The following TENM1 variants were observed in gnomAD, a reference collection of about 807,000 sequenced individuals.
The protein encoded by TENM1 is teneurin transmembrane protein 1.
Under a neutral mutation model 174.8 loss-of-function variants are expected in TENM1, and 35 were observed. That is an observed-to-expected ratio of 0.20 (90% CI 0.15 to 0.27). The LOEUF is 0.27. Among genes scored for constraint, TENM1 ranks in the 10% least tolerant of loss-of-function variants. The probability of loss-of-function intolerance (pLI) is 1.00; values close to 1 mark genes in which losing one functional copy is unlikely to be tolerated. For missense variants in TENM1, 1,633 were observed against 2,130.1 expected (o/e 0.77, Z 4.59); for synonymous variants, 781 against 798.7 (o/e 0.98, Z 0.37).
At chrX:124,449,716 C>T in intron 23 of TENM1, among the ~76,000 whole-genome samples, 1 of 111,720 alleles carries the variant, frequency 9.0e-6, no homozygotes, top group East Asian at 2.8e-4. Flanking sequence ...GACTTGATAG[C>T]CTGACCCATT....
At chrX:124,787,912 CT>C (rs772237334) in intron 3 of TENM1, among the ~76,000 whole-genome samples, 1 of 111,812 alleles carries the variant, frequency 8.9e-6, no homozygotes, top group Non-Finnish European at 1.9e-5. Context: ...AAGAAAGCGG[CT>C]TATTGGACTT....
chrX:125,160,380 T>A, the TENM1 span, among the ~76,000 whole-genome samples: 1 of 100,297 alleles, frequency 1.0e-5, no homozygotes, highest in Non-Finnish European at 2.0e-5. Flanking sequence ...AAAAAAAAAT[T>A]AGCTGGGCGT....
chrX:124,640,961 CAAA>C (rs59598996), intron 11 of TENM1, among the ~76,000 whole-genome samples: 1 of 57,772 alleles, frequency 1.7e-5, no homozygotes, highest in Non-Finnish European at 2.9e-5. Context: ...AATCCATCTC[CAAA>C]AAAAAAAAAA....
chrX:124,900,835 A>G (rs1326806605), intron 1 of TENM1, among the ~76,000 whole-genome samples: 1 of 96,478 alleles, frequency 1.0e-5, no homozygotes, highest in African/African-American at 4.0e-5. Flanking sequence ...CTTGTTGTTC[A>G]GGCTGGAGCA....
chrX:124,936,719 C>T (rs7888766), intron 1 of TENM1, among the ~76,000 whole-genome samples: 15,061 of 111,278 alleles, frequency 0.14, 2,432 homozygotes, highest in African/African-American at 0.47. Flanking sequence ...TCTTGATGAA[C>T]AGATATTCAG....
At chrX:124,645,397 C>A in intron 9 of TENM1, 60 bp from the exon 13 acceptor site, 1 of 1,081,966 alleles carries the variant, frequency 9.2e-7, no homozygotes, top group Non-Finnish European at 1.2e-6. Flanking sequence ...CTCCAAAGAG[C>A]AATTCTCTAT....
At chrX:125,005,321 A>G in the TENM1 span, among the ~76,000 whole-genome samples, 1 of 107,798 alleles carries the variant, frequency 9.3e-6, no homozygotes, top group Admixed American at 1.0e-4. Context: ...CTAATAAACT[A>G]TTATGCATTG....
chrX:124,693,169 T>C (rs1434487991), intron 5 of TENM1, among the ~76,000 whole-genome samples: 1 of 110,752 alleles, frequency 9.0e-6, no homozygotes, highest in African/African-American at 3.3e-5. Context: ...TAAATAATAA[T>C]TGAAGTTTAA....
chrX:124,494,324 G>A (rs1438841584), intron 20 of TENM1, among the ~76,000 whole-genome samples: 2 of 110,791 alleles, frequency 1.8e-5, no homozygotes, highest in African/African-American at 6.6e-5. Context: ...ATAGTTCATA[G>A]GATAGCATCT....
At chrX:124,972,078 C>A in the TENM1 span, among the ~76,000 whole-genome samples, 1 of 109,329 alleles carries the variant, frequency 9.1e-6, no homozygotes, top group African/African-American at 3.3e-5. Context: ...ACTAAAAATA[C>A]ACAAAGTAGC....
chrX:125,055,817 A>C, the TENM1 span, among the ~76,000 whole-genome samples: 4 of 111,758 alleles, frequency 3.6e-5, no homozygotes, highest in Non-Finnish European at 5.6e-5. Flanking sequence ...TGTATCTTAT[A>C]AGAAAAAAAT....
chrX:125,076,203 C>T, the TENM1 span, among the ~76,000 whole-genome samples: 1 of 111,692 alleles, frequency 9.0e-6, no homozygotes, highest in Non-Finnish European at 1.9e-5. Flanking sequence ...ACATCATACC[C>T]TAACAGATCT....
chrX:124,751,994 T>C (rs1332150160), intron 3 of TENM1, among the ~76,000 whole-genome samples: 1 of 110,816 alleles, frequency 9.0e-6, no homozygotes, highest in Non-Finnish European at 1.9e-5. Context: ...TATAGTCCTT[T>C]GGGTATATAC....
the TENM1 span, among the ~76,000 whole-genome samples, chrX:125,042,033 T>C: frequency 1.8e-5 from 2 of 111,943 alleles, no homozygotes; most frequent in Non-Finnish European, 3.8e-5. Flanking sequence ...ATAGTATTCA[T>C]TGTACTTTTC....
chrX:124,542,153 G>C (rs1029931986), intron 15 of TENM1, among the ~76,000 whole-genome samples: 16 of 112,539 alleles, frequency 1.4e-4, no homozygotes, highest in African/African-American at 4.8e-4. Context: ...AGCCATGCTA[G>C]CCATGCCTTA....
chrX:125,065,749 C>T, the TENM1 span, among the ~76,000 whole-genome samples: 1 of 112,123 alleles, frequency 8.9e-6, no homozygotes, highest in Non-Finnish European at 1.9e-5. Flanking sequence ...ATCTCTACTA[C>T]ACAAGTACAT....
chrX:125,184,978 G>T, the TENM1 span, among the ~76,000 whole-genome samples: 1 of 111,459 alleles, frequency 9.0e-6, no homozygotes, highest in African/African-American at 3.3e-5. Context: ...AGCTCCATTT[G>T]AATTATACCT....
the TENM1 span, among the ~76,000 whole-genome samples, chrX:125,079,811 G>C: frequency 3.6e-5 from 4 of 111,628 alleles, no homozygotes; most frequent in African/African-American, 1.3e-4. Flanking sequence ...GTAGTAGACA[G>C]CTGTGCACTC....
chrX:125,080,067 A>G, the TENM1 span, among the ~76,000 whole-genome samples: 2 of 110,739 alleles, frequency 1.8e-5, no homozygotes, highest in African/African-American at 6.6e-5. Flanking sequence ...TCCTAGCTCC[A>G]TGTTACTCAA....
Sources: gnomAD v4.1 joint callset for allele counts (sites outside exome capture counted in the v4.1 genomes callset) on GRCh38, gnomAD v4.1.1 for gene constraint, MANE v1.5 for transcripts, NCBI Gene and HGNC (gene_info 2026-07-23, HGNC 2026-07-21) for gene names.